GRID1: variants seen among roughly 807,000 people sequenced by gnomAD.
The protein encoded by GRID1 is glutamate receptor ionotropic, delta-1.
In GRID1, 28 loss-of-function variants were observed where a neutral mutation model predicts 98.0. The observed-to-expected ratio is 0.29, with a 90% CI of 0.21 to 0.39. The LOEUF is 0.39. Among genes scored for constraint, GRID1 ranks in the 10% least tolerant of loss-of-function variants. The probability of loss-of-function intolerance (pLI) is 1.00; values close to 1 mark genes in which losing one functional copy is unlikely to be tolerated. For synonymous variants in GRID1, 553 were observed against 538.5 expected, an observed-to-expected ratio of 1.03 and a Z score of -0.37; for missense variants, 1,111 against 1,340.5, an observed-to-expected ratio of 0.83 and a Z score of 2.67.
intron 12 of GRID1, among the ~76,000 whole-genome samples, chr10:85,668,773 G>A (rs1349017958): frequency 1.3e-5 from 2 of 152,168 alleles, no homozygotes; most frequent in Admixed American, 1.3e-4. Flanking sequence ...GTTCAGCAAT[G>A]GCAGTAAGAC....
At chr10:85,734,916 C>T (rs1433976265) in intron 8 of GRID1, among the ~76,000 whole-genome samples, 5 of 152,154 alleles carry the variant, frequency 3.3e-5, no homozygotes, top group Middle Eastern at 3.2e-3. Context: ...CTTGTAGTCA[C>T]CCAAGATTAG....
chr10:86,236,233 G>A (rs1846535070), intron 2 of GRID1, among the ~76,000 whole-genome samples: 1 of 152,030 alleles, frequency 6.6e-6, no homozygotes, highest in Non-Finnish European at 1.5e-5. Flanking sequence ...ATTTTGTATT[G>A]GGTGGCTTGT....
chr10:85,826,037 C>T (rs1354699507), intron 8 of GRID1, among the ~76,000 whole-genome samples: 4 of 152,096 alleles, frequency 2.6e-5, no homozygotes, highest in South Asian at 2.1e-4. Flanking sequence ...GATAAATACC[C>T]GCAATCAGGC....
At chr10:85,635,871 C>T (rs972547049) in intron 13 of GRID1, among the ~76,000 whole-genome samples, 4 of 152,236 alleles carry the variant, frequency 2.6e-5, no homozygotes, top group Non-Finnish European at 5.9e-5. Context: ...TGTGGGGGAG[C>T]TGAAGTTTCA....
chr10:85,663,059 C>T (rs529019728), intron 12 of GRID1, among the ~76,000 whole-genome samples: 2 of 152,170 alleles, frequency 1.3e-5, no homozygotes, highest in Non-Finnish European at 2.9e-5. Context: ...CATTCCACAT[C>T]TTGGGGAACA....
chr10:86,100,434 T>C (rs1317291034), intron 4 of GRID1, among the ~76,000 whole-genome samples: 1 of 152,240 alleles, frequency 6.6e-6, no homozygotes, highest in Admixed American at 6.5e-5. Flanking sequence ...ATAAATGTCC[T>C]TGTGCTCTGG....
intron 2 of GRID1, among the ~76,000 whole-genome samples, chr10:86,254,900 C>T (rs548660798): frequency 2.6e-5 from 4 of 152,340 alleles, no homozygotes; most frequent in Non-Finnish European, 5.9e-5. Flanking sequence ...GGGACCCTCA[C>T]TAAAGCAGGG....
chr10:86,292,915 T>C (rs1262393242), intron 2 of GRID1, among the ~76,000 whole-genome samples: 5 of 152,036 alleles, frequency 3.3e-5, no homozygotes, highest in Non-Finnish European at 7.4e-5. Flanking sequence ...AGTGAGGGTG[T>C]CTGTGTGAAG....
intron 4 of GRID1, among the ~76,000 whole-genome samples, chr10:86,015,326 C>G (rs927500601): frequency 6.6e-6 from 1 of 152,238 alleles, no homozygotes; most frequent in Non-Finnish European, 1.5e-5. Flanking sequence ...AGCCACCAAA[C>G]TCCCTTTCAG....
intron 2 of GRID1, among the ~76,000 whole-genome samples, chr10:86,311,700 A>T (rs1474427426): frequency 6.6e-6 from 1 of 152,212 alleles, no homozygotes; most frequent in African/African-American, 2.4e-5. Context: ...ACTTAACTCA[A>T]AAAACTACTG....
At chr10:86,158,422 C>G (rs1474540724) in intron 3 of GRID1, among the ~76,000 whole-genome samples, 1 of 152,248 alleles carries the variant, frequency 6.6e-6, no homozygotes, top group Non-Finnish European at 1.5e-5. Flanking sequence ...CACTCACCTA[C>G]TAAGCCACTG....
chr10:85,805,218 T>C (rs982511008), intron 8 of GRID1, among the ~76,000 whole-genome samples: 3 of 151,680 alleles, frequency 2.0e-5, no homozygotes, highest in Non-Finnish European at 4.4e-5. Flanking sequence ...ACACCATTAG[T>C]TAGCCACTGA....
chr10:86,298,602 C>T (rs546139474), intron 2 of GRID1, among the ~76,000 whole-genome samples: 4 of 152,266 alleles, frequency 2.6e-5, no homozygotes, highest in East Asian at 1.9e-4. Flanking sequence ...GTGGCTGAAA[C>T]GCCCTCCCCA....
At chr10:85,972,400 G>A (rs1021684075) in intron 4 of GRID1, among the ~76,000 whole-genome samples, 2 of 148,132 alleles carry the variant, frequency 1.4e-5, no homozygotes, top group African/African-American at 5.0e-5. Context: ...CCCATGAATC[G>A]TCAGATTCCA....
chr10:86,150,264 C>T (rs1845145730), intron 3 of GRID1, among the ~76,000 whole-genome samples: 1 of 152,192 alleles, frequency 6.6e-6, no homozygotes, highest in Non-Finnish European at 1.5e-5. Context: ...GTGCTTGGTG[C>T]CCTCTCCCTG....
chr10:85,882,006 A>C (rs1233628806), intron 5 of GRID1, among the ~76,000 whole-genome samples: 1 of 152,238 alleles, frequency 6.6e-6, no homozygotes. Flanking sequence ...TTATGCAGCC[A>C]AAAAACCATG....
At chr10:86,104,514 C>T (rs1488591540) in intron 4 of GRID1, among the ~76,000 whole-genome samples, 2 of 152,336 alleles carry the variant, frequency 1.3e-5, no homozygotes, top group East Asian at 1.9e-4. Flanking sequence ...ATGCTCAGTG[C>T]TTCACAAGGC....
At chr10:85,751,524 G>T (rs1564579436) in intron 8 of GRID1, among the ~76,000 whole-genome samples, 1 of 152,018 alleles carries the variant, frequency 6.6e-6, no homozygotes, top group Non-Finnish European at 1.5e-5. Context: ...TGTTCAGTCT[G>T]GTCCCTTTCG....
intron 3 of GRID1, among the ~76,000 whole-genome samples, chr10:86,163,178 G>A (rs889713555): frequency 2.0e-5 from 3 of 152,172 alleles, no homozygotes; most frequent in African/African-American, 7.2e-5. Context: ...GGGGCAGGCT[G>A]GAGCCACTTG....
Sources: allele counts gnomAD v4.1 joint callset (sites outside exome capture counted in the v4.1 genomes callset), GRCh38; gene constraint gnomAD v4.1.1; transcripts MANE v1.5; gene names NCBI Gene and HGNC (gene_info 2026-07-23, HGNC 2026-07-21).